Variants in ANKFN1 observed in about 807,000 individuals in gnomAD.
ANKFN1 encodes ankyrin repeat and fibronectin type III domain containing 1.
Under a neutral mutation model 108.7 loss-of-function variants are expected in ANKFN1, and 74 were observed. The observed-to-expected ratio is 0.68, with a 90% CI of 0.56 to 0.83. The LOEUF is 0.83. Ranked by LOEUF, ANKFN1 falls within the 40% of genes least tolerant of loss-of-function variation. ANKFN1 has a pLI of 0.00. For missense variants in ANKFN1, 1,505 were observed against 1,382.3 expected (o/e 1.09, Z -1.41); for synonymous variants, 547 against 516.2 (o/e 1.06, Z -0.81).
intron 8 of ANKFN1, among the ~76,000 whole-genome samples, chr17:56,379,842 G>A (rs2047045723): frequency 6.6e-6 from 1 of 152,178 alleles, no homozygotes; most frequent in South Asian, 2.1e-4. Context: ...GGGACTGTTT[G>A]TGGATTCACA....
At chr17:56,215,941 A>G (rs577698164) in intron 2 of ANKFN1, 21 of 152,532 alleles carry the variant, frequency 1.4e-4, no homozygotes, top group Admixed American at 1.4e-3. Flanking sequence ...TAGCCATGAC[A>G]TGTTGAATAT....
intron 6 of ANKFN1, among the ~76,000 whole-genome samples, chr17:56,363,470 G>A (rs2046579494): frequency 6.6e-6 from 1 of 152,180 alleles, no homozygotes; most frequent in Non-Finnish European, 1.5e-5. Flanking sequence ...TACACTGTTA[G>A]TGGGGATGTA....
chr17:56,081,618 A>G lies in ANKFN1; in HGVS notation c.288+35293A>G, dbSNP rs1452038854. Among the ~76,000 whole-genome samples the G allele has an allele frequency of 3.3e-5, 5 of 152,064 alleles. No individual in the cohort carries two copies. In the East Asian group the frequency reaches 9.7e-4, roughly 29 times the overall value. On this transcript the variant is annotated intron_variant, in intron 4 of 12. Coordinates refer to the ANKFN1 transcript ENST00000635860. ...TCCGCCTGCCTCAGCCTCCCAAAGTACTGGGATTACAGGCATAAGCCACTG... is the reference window on the plus strand; with the variant it reads ...TCCGCCTGCCTCAGCCTCCCAAAGTGCTGGGATTACAGGCATAAGCCACTG...
intron 6 of ANKFN1, among the ~76,000 whole-genome samples, chr17:56,365,198 T>G (rs1250011428): frequency 6.6e-6 from 1 of 152,172 alleles, no homozygotes; most frequent in Non-Finnish European, 1.5e-5. Context: ...TAAGTGACCT[T>G]GTTTTCTGCC....
At chr17:56,153,579 T>C (rs367593370) in intron 1 of ANKFN1, 49 bp downstream of exon 1, 25 of 1,607,180 alleles carry the variant, frequency 1.6e-5, no homozygotes, top group Admixed American at 3.3e-5. Context: ...TTGGAGGCCA[T>C]TGTTTTGCAT....
chr17:56,341,759 A>G (rs1020388895), intron 4 of ANKFN1, among the ~76,000 whole-genome samples: 2 of 151,670 alleles, frequency 1.3e-5, no homozygotes, highest in Non-Finnish European at 2.9e-5. Flanking sequence ...ACATTGGCCT[A>G]AAGTTTTTTT....
intron 4 of ANKFN1, among the ~76,000 whole-genome samples, chr17:56,344,317 T>G (rs1383624585): frequency 6.6e-6 from 1 of 152,062 alleles, no homozygotes; most frequent in African/African-American, 2.4e-5. Flanking sequence ...GTTAACTTAG[T>G]GGTGAGTTAA....
intron 1 of ANKFN1, among the ~76,000 whole-genome samples, chr17:56,159,786 A>C (rs1359405541): frequency 6.6e-6 from 1 of 152,236 alleles, no homozygotes; most frequent in Non-Finnish European, 1.5e-5. Context: ...TTTGTTGGAC[A>C]GAAAGATAGA....
intron 1 of ANKFN1, among the ~76,000 whole-genome samples, chr17:56,196,404 AG>A (rs1370932592): frequency 6.6e-6 from 1 of 152,154 alleles, no homozygotes; most frequent in Non-Finnish European, 1.5e-5. Flanking sequence ...GTTTAATCAG[AG>A]TTGCAGCCAG....
At chr17:56,274,633 A>C (rs1451244021) in intron 3 of ANKFN1, among the ~76,000 whole-genome samples, 1 of 152,076 alleles carries the variant, frequency 6.6e-6, no homozygotes, top group Admixed American at 6.5e-5. Flanking sequence ...CATCTGTCTC[A>C]CCCTATTAGA....
chr17:56,514,027 A>G lies in ANKFN1; in HGVS notation c.*2758A>G, dbSNP rs1212282959. Among the ~76,000 whole-genome samples the G allele has an allele frequency of 2.0e-5, 3 of 152,150 alleles. No individual in the cohort carries two copies. The highest frequency in any genetic ancestry group is 4.4e-5 in the Non-Finnish European group (3 of 68,022). On this transcript the variant is annotated 3_prime_UTR_variant, in exon 21 of 21. Transcript: ENST00000682825. ...CCGACCTTCTACTTACAGAGACTTT[A>G]CAATGTCTGAGGATATTTTGTTTTA...
chr17:56,334,336 G>A (rs1027615395), intron 4 of ANKFN1, among the ~76,000 whole-genome samples: 2 of 151,500 alleles, frequency 1.3e-5, no homozygotes, highest in African/African-American at 4.8e-5. Flanking sequence ...ATCAGGGGAG[G>A]GGGGAAAAGA....
At chr17:56,183,464 A>T (rs1279079546) in intron 1 of ANKFN1, among the ~76,000 whole-genome samples, 2 of 152,158 alleles carry the variant, frequency 1.3e-5, no homozygotes, top group Admixed American at 6.5e-5. Flanking sequence ...ATGCGGGCAG[A>T]TCCCCCATGA....
intron 10 of ANKFN1, among the ~76,000 whole-genome samples, chr17:56,445,742 A>C (rs1186962172): frequency 1.3e-5 from 2 of 152,184 alleles, no homozygotes; most frequent in African/African-American, 4.8e-5. Context: ...ATTTTTACAA[A>C]AGGCCTTAAT....
chr17:56,492,169 T>C lies in ANKFN1; in HGVS notation c.2261-18T>C. On this transcript the variant is annotated intron_variant, in intron 18 of 20. Coordinates refer to ENST00000682825, the MANE Select transcript of ANKFN1 (RefSeq NM_001370326.1). ...TACCAGATCTTAACATGTTTTATTT[T>C]GCTTGTCCATTTTCCAGTTCATTTT... 1 of 691,530 alleles carries C rather than the reference T, an allele frequency of 1.4e-6. No individual in the cohort carries two copies. Among genetic ancestry groups the C allele is most frequent in the Middle Eastern group, 2.3e-4 (1 of 4,332 alleles). 42.8% of individuals were successfully genotyped at this position (691,530 alleles called of 1,614,324 possible).
intron 1 of ANKFN1, among the ~76,000 whole-genome samples, chr17:56,204,551 G>A (rs1320386941): frequency 6.6e-6 from 1 of 151,690 alleles, no homozygotes; most frequent in Non-Finnish European, 1.5e-5. Context: ...ATGTTGGCCA[G>A]GTTGGTCTCG....
At chr17:56,410,590 TTAAC>T (rs1267166389) in intron 8 of ANKFN1, among the ~76,000 whole-genome samples, 5 of 152,294 alleles carry the variant, frequency 3.3e-5, no homozygotes, top group African/African-American at 1.2e-4. Flanking sequence ...GTATTATTAA[TTAAC>T]TGTGATTACC....
Position 56,498,997 on chromosome 17 carries a change from A to T in ANKFN1, c.2543A>T (p.Glu848Val). Residue 848 changes from glutamate (E) to valine (V), a missense_variant, in exon 20 of 21, where the codon GAG becomes GTG. Coordinates refer to ENST00000682825, the MANE Select transcript of ANKFN1 (RefSeq NM_001370326.1). ...PITKLIDPSD[E>V]QSLKKINSTS... ...ACTAAGCTGATAGACCCCTCAGATG[A>T]GCAGAGCCTAAAGAAGATCAATTCT... 6.5e-7 allele frequency: 1 copy of T among 1,535,780 alleles called. No individual in the cohort carries two copies. Among genetic ancestry groups the T allele is most frequent in the Non-Finnish European group, 8.7e-7 (1 of 1,146,658 alleles).
At chr17:56,220,844 GAGGGAGGAAGGA>G (rs1567846106) in intron 2 of ANKFN1, among the ~76,000 whole-genome samples, 5 of 89,224 alleles carry the variant, frequency 5.6e-5, no homozygotes, top group African/African-American at 3.3e-4. Context: ...GGAAGGGAGG[GAGGGAGGAAGGA>G]AGGAAGGAAG....
Sources: allele counts gnomAD v4.1 joint callset (sites outside exome capture counted in the v4.1 genomes callset), GRCh38; gene constraint gnomAD v4.1.1; transcripts MANE v1.5; gene names NCBI Gene and HGNC (gene_info 2026-07-23, HGNC 2026-07-21).